Variants in SGK3 observed in about 807,000 individuals in gnomAD.
The protein encoded by SGK3 is serum/glucocorticoid regulated kinase family member 3, also known as serine/threonine-protein kinase Sgk3.
A neutral mutation model predicts 68.5 loss-of-function variants in SGK3; 47 were observed. That is an observed-to-expected ratio of 0.69 (90% CI 0.54 to 0.87). The LOEUF (loss-of-function observed/expected upper bound fraction) is 0.87. Among genes scored for constraint, SGK3 ranks in the 40% least tolerant of loss-of-function variants. The pLI is 0.00. For missense variants in SGK3, 479 were observed against 575.5 expected (o/e 0.83, Z 1.72); for synonymous variants, 181 against 189.1 (o/e 0.96, Z 0.35).
At chr8:66,826,001 A>C (rs2130681952) in intron 6 of SGK3, among the ~76,000 whole-genome samples, 1 of 151,672 alleles carries the variant, frequency 6.6e-6, no homozygotes, top group South Asian at 2.1e-4. Flanking sequence ...TTGAGATGGA[A>C]TCTCTCTGTT....
At chr8:66,853,323 T>C (rs1173001496) in intron 16 of SGK3, among the ~76,000 whole-genome samples, 1 of 152,184 alleles carries the variant, frequency 6.6e-6, no homozygotes, top group African/African-American at 2.4e-5. Flanking sequence ...GTTGTGGAAT[T>C]AAAATATGTA....
chr8:66,718,560 A>G (rs1377445032), intron 1 of SGK3, among the ~76,000 whole-genome samples: 4 of 151,134 alleles, frequency 2.6e-5, no homozygotes, highest in African/African-American at 9.7e-5. Flanking sequence ...ACAAACTCTC[A>G]CTGTGTTGCT....
rs1412168206 is a variant in SGK3 at position 66,757,246 on chromosome 8, C to G, written c.-121-36370C>G. ...TCCTTGGCTCAAGTGATCCTCCTCC[C>G]TTAGCCTCCTGAGTAGCTGGGACTA... is the stretch of plus-strand genomic sequence containing the variant. On this transcript the variant is annotated intron_variant, in intron 1 of 16. Transcript: ENST00000521198. Among the ~76,000 whole-genome samples, 19 of 151,954 alleles carry G rather than the reference C, an allele frequency of 1.3e-4. 1 individual carries two copies. The East Asian group carries it at 3.3e-3, about 26-fold the overall frequency.
intron 1 of SGK3, among the ~76,000 whole-genome samples, chr8:66,785,572 C>A (rs1467775543): frequency 6.6e-6 from 1 of 152,198 alleles, no homozygotes; most frequent in Admixed American, 6.5e-5. Flanking sequence ...CTCCCCCACC[C>A]CACAAGTTGT....
intron 4 of SGK3, among the ~76,000 whole-genome samples, chr8:66,809,070 T>C (rs1808278867): frequency 6.6e-6 from 1 of 151,998 alleles, no homozygotes; most frequent in African/African-American, 2.4e-5. Context: ...GGTTTCTCCA[T>C]GTTGGTCAGG....
intron 1 of SGK3, among the ~76,000 whole-genome samples, chr8:66,765,789 C>T (rs1806296330): frequency 6.6e-6 from 1 of 151,710 alleles, no homozygotes; most frequent in Non-Finnish European, 1.5e-5. Context: ...TTTGGGAGGC[C>T]GAGGTGGGTG....
chr8:66,801,258 G>T (rs1050738092), intron 3 of SGK3, among the ~76,000 whole-genome samples: 5 of 152,126 alleles, frequency 3.3e-5, no homozygotes, highest in African/African-American at 1.2e-4. Flanking sequence ...CACTCAAAAA[G>T]TTATTGGTTT....
chr8:66,806,195 CT>C (rs34910747), intron 4 of SGK3, among the ~76,000 whole-genome samples: 2 of 150,692 alleles, frequency 1.3e-5, no homozygotes, highest in African/African-American at 2.4e-5. Flanking sequence ...CTCTTTCTTT[CT>C]TTTTTTTCCC....
rs758888281 is a variant in SGK3, at chr8:66,793,689, C to G, written c.-48C>G. 1.3e-6 allele frequency: 2 copies of G among 1,580,594 alleles called. No homozygotes were observed. The highest frequency in any genetic ancestry group is 1.7e-6 in the Non-Finnish European group (2 of 1,158,848). On this transcript the variant is annotated 5_prime_UTR_variant, in exon 2 of 17. Transcript: ENST00000521198. ...ATTAGTTAATTGGGTTTGTCCTCTGCTGACTGTTTCTTCGGATGCATTTTT... is the reference window on the plus strand; with the variant it reads ...ATTAGTTAATTGGGTTTGTCCTCTGGTGACTGTTTCTTCGGATGCATTTTT...
Position 66,759,016 on chromosome 8 carries a change from C to G in SGK3, c.-121-34600C>G, listed in dbSNP as rs373229258. Among the ~76,000 whole-genome samples, 32 of 152,210 alleles carry G rather than the reference C, an allele frequency of 2.1e-4. 1 individual carries two copies. In the South Asian group the frequency reaches 6.0e-3, roughly 29 times the overall value. Reference sequence around the variant, plus strand: ...GGAAACAATGGGTTCCTTATGTTTTCCTAGCATCAGTGGCCCTCTGCCTCT... The same window carrying G: ...GGAAACAATGGGTTCCTTATGTTTTGCTAGCATCAGTGGCCCTCTGCCTCT... On this transcript the variant is annotated intron_variant, in intron 1 of 16. Transcript: ENST00000521198.
At chr8:66,729,641 A>C (rs1805086213) in intron 1 of SGK3, among the ~76,000 whole-genome samples, 1 of 152,168 alleles carries the variant, frequency 6.6e-6, no homozygotes, top group South Asian at 2.1e-4. Context: ...ATGTATACCT[A>C]GGAGCAGAAG....
chr8:66,839,498 GATATATATATAT>G (rs58832541), intron 10 of SGK3, among the ~76,000 whole-genome samples: 161 of 41,520 alleles, frequency 3.9e-3, no homozygotes, highest in East Asian at 5.5e-3. Flanking sequence ...TATGTATGGA[GATATATATATAT>G]ATATATATAT....
intron 1 of SGK3, among the ~76,000 whole-genome samples, chr8:66,787,406 A>G (rs759089394): frequency 2.0e-5 from 3 of 152,200 alleles, no homozygotes; most frequent in Non-Finnish European, 4.4e-5. Flanking sequence ...CCTTAAAGCA[A>G]CCATATGAAG....
chr8:66,795,293 A>G (rs1807633502), intron 2 of SGK3, among the ~76,000 whole-genome samples: 1 of 152,156 alleles, frequency 6.6e-6, no homozygotes, highest in South Asian at 2.1e-4. Flanking sequence ...TTGGTACCAC[A>G]TCCCAGAGCA....
At chr8:66,816,624 G>T (rs754741055) in intron 5 of SGK3, among the ~76,000 whole-genome samples, 1 of 151,560 alleles carries the variant, frequency 6.6e-6, no homozygotes, top group Non-Finnish European at 1.5e-5. Flanking sequence ...GATTACAGGC[G>T]TGAGCCATCG....
intron 1 of SGK3, among the ~76,000 whole-genome samples, chr8:66,732,662 T>C (rs1464134279): frequency 1.2e-4 from 19 of 152,010 alleles, no homozygotes; most frequent in African/African-American, 4.6e-4. Flanking sequence ...CTGGCCAACA[T>C]GGCAAAACCT....
chr8:66,779,331 G>A (rs374609137), intron 1 of SGK3, among the ~76,000 whole-genome samples: 184 of 151,800 alleles, frequency 1.2e-3, no homozygotes, highest in African/African-American at 4.2e-3. Context: ...AACTTGACTC[G>A]AGCTTGTGTA....
At chr8:66,836,218 A>T in intron 10 of SGK3, 144 bp downstream of exon 10, 2 of 1,114,690 alleles carry the variant, frequency 1.8e-6, no homozygotes, top group Non-Finnish European at 1.2e-6. Context: ...TGAGTACAGG[A>T]TGTGGAGAAT....
chr8:66,845,531 T>G (rs1468480295), intron 14 of SGK3, among the ~76,000 whole-genome samples: 2 of 152,084 alleles, frequency 1.3e-5, no homozygotes, highest in Non-Finnish European at 2.9e-5. Flanking sequence ...TAATTTTTAT[T>G]TTTACTTTTT....
Sources: allele counts gnomAD v4.1 joint callset (sites outside exome capture counted in the v4.1 genomes callset), GRCh38; gene constraint gnomAD v4.1.1; transcripts MANE v1.5; gene names NCBI Gene and HGNC (gene_info 2026-07-23, HGNC 2026-07-21).